Variants in TENT4B observed in about 807,000 individuals in gnomAD.
The protein encoded by TENT4B is PAP associated domain containing 5.
TENT4B carries 10 observed loss-of-function variants against 75.0 expected under a neutral mutation model. The ratio of observed to expected loss-of-function variants is 0.13; its 90% CI spans 0.08 to 0.23. The LOEUF (loss-of-function observed/expected upper bound fraction) is 0.23, where lower values mean the gene tolerates loss of function less well. TENT4B is among the 10% of genes least tolerant of loss of function. TENT4B has a pLI of 1.00. For synonymous variants in TENT4B, 350 were observed against 357.7 expected (o/e 0.98, Z 0.24); for missense variants, 579 against 893.8 (o/e 0.65, Z 4.49).
intron 1 of TENT4B, among the ~76,000 whole-genome samples, chr16:50,158,222 G>T (rs1296928818): frequency 6.6e-6 from 1 of 152,166 alleles, no homozygotes; most frequent in Non-Finnish European, 1.5e-5. Flanking sequence ...GAGTAACTGG[G>T]ATTACAGGCG....
chr16:50,152,986 C>G (rs2037787382), upstream of TENT4B: 1 of 1,515,510 alleles, frequency 6.6e-7, no homozygotes, highest in East Asian at 2.6e-5. Flanking sequence ...ACCGGGGAAG[C>G]CGAGGCGGAG....
At chr16:50,183,474 G>A (rs756109759) in intron 1 of TENT4B, among the ~76,000 whole-genome samples, 17 of 149,390 alleles carry the variant, frequency 1.1e-4, no homozygotes, top group Admixed American at 1.1e-3. Context: ...GTTCATTAAT[G>A]TGCTGGTCTT....
At chr16:50,164,651 C>T (rs2038065549) in intron 1 of TENT4B, among the ~76,000 whole-genome samples, 1 of 151,988 alleles carries the variant, frequency 6.6e-6, no homozygotes, top group South Asian at 2.1e-4. Context: ...ACAGTCGAGG[C>T]CAGAACTTAG....
chr16:50,212,659 A>G (rs1267696092), intron 2 of TENT4B, among the ~76,000 whole-genome samples: 1 of 152,146 alleles, frequency 6.6e-6, no homozygotes. Context: ...ATGACCATAC[A>G]TCGCATTCTT....
In TENT4B at chr16:50,234,151, A is replaced by G. The variant is rs2032378608; in HGVS notation, c.*4823A>G. ...ACGCATATAGTACCAGTGAGAAACT[A>G]TGAAGTAAACAAGTTGCTCAGGCCG... On this transcript the variant is annotated 3_prime_UTR_variant, in exon 12 of 12. Coordinates refer to ENST00000561678, the MANE Select transcript of TENT4B (RefSeq NM_001365324.3). The G allele has an allele frequency of 1.2e-5, 12 of 985,494 alleles. No individual in the cohort carries two copies. Among genetic ancestry groups the G allele is most frequent in the Non-Finnish European group, 1.4e-5 (12 of 829,976 alleles). The allele number at this position is 985,494 out of a possible 1,614,324, so 61.0% of individuals were successfully genotyped here. A position where few individuals can be genotyped will look rare whatever the true frequency, so the allele number is the denominator to read the frequency against.
In TENT4B at chr16:50,232,156, T is replaced by C; in HGVS notation, c.*2828T>C. On this transcript the variant is annotated 3_prime_UTR_variant, in exon 12 of 12. Transcript: ENST00000561678. ...AGCACAAAATCTTACTGGTTATGTT[T>C]TGATGATAAAAGTATATCCATTTTT... The C allele has an allele frequency of 2.0e-6, 2 of 985,424 alleles. No individual in the cohort carries two copies. Among genetic ancestry groups the C allele is most frequent in the Non-Finnish European group, 2.4e-6 (2 of 829,922 alleles). The allele number at this position is 985,424 out of a possible 1,614,324, so 61.0% of individuals were successfully genotyped here. A position where few individuals can be genotyped will look rare whatever the true frequency, so the allele number is the denominator to read the frequency against.
intron 10 of TENT4B, 91 bp downstream of exon 10, chr16:50,225,376 C>T (rs935352038): frequency 6.1e-6 from 7 of 1,152,502 alleles, no homozygotes; most frequent in Non-Finnish European, 6.1e-6. Context: ...AGGCTACTTC[C>T]TTTGCTTACA....
rs372011331 is a variant in TENT4B at position 50,227,919 on chromosome 16, T to C, written c.1881T>C (p.Asp627=). ...PSTGNRVGSQ[D]VSLESSQAVG... ...CTGGGAACCGAGTAGGGTCGCAAGA[T>C]GTATCCTTGGAGTCCTCTCAGGCAG... Residue 627 remains aspartate, a synonymous_variant, in exon 11 of 12, where the codon GAT becomes GAC. Coordinates refer to ENST00000561678, the MANE Select transcript of TENT4B (RefSeq NM_001365324.3). The C allele has an allele frequency of 3.1e-5, 50 of 1,613,902 alleles. No individual in the cohort carries two copies. Among genetic ancestry groups the C allele is most frequent in the Non-Finnish European group, 4.0e-5 (47 of 1,179,912 alleles).
At position 50,222,161 on chromosome 16, in the gene TENT4B, T is replaced by A; in HGVS notation, c.1039-145T>A. ...TCATTACCTATAGTTTACTTTTTTTTAATAGCTTACTCTTAAAATAGAAAA... is the reference window on the plus strand; with the variant it reads ...TCATTACCTATAGTTTACTTTTTTTAAATAGCTTACTCTTAAAATAGAAAA... On this transcript the variant is annotated intron_variant, in intron 5 of 11. Transcript: ENST00000561678. The A allele has an allele frequency of 5.4e-6, 4 of 736,550 alleles. No homozygotes were observed. In the South Asian group the frequency reaches 6.0e-5, roughly 11 times the overall value. The allele number at this position is 736,550 out of a possible 1,614,324, so 45.6% of individuals were successfully genotyped here.
At chr16:50,182,264 A>T (rs2038429874) in intron 1 of TENT4B, among the ~76,000 whole-genome samples, 1 of 152,194 alleles carries the variant, frequency 6.6e-6, no homozygotes, top group African/African-American at 2.4e-5. Context: ...GCCATAAAAA[A>T]AGGAGAAAAA....
At chr16:50,194,576 G>A (rs1409736415) in intron 1 of TENT4B, among the ~76,000 whole-genome samples, 1 of 148,016 alleles carries the variant, frequency 6.8e-6, no homozygotes, top group Non-Finnish European at 1.5e-5. Context: ...TTTGAGACAG[G>A]GTCTTGCTCT....
intron 1 of TENT4B, among the ~76,000 whole-genome samples, chr16:50,189,874 C>T (rs757318804): frequency 2.0e-5 from 3 of 151,478 alleles, no homozygotes; most frequent in South Asian, 2.1e-4. Flanking sequence ...ATCAGGAGTT[C>T]GAGACCAGCC....
At chr16:50,217,481 A>G (rs1455437143) in intron 4 of TENT4B, 75 bp from the exon 5 acceptor site, 2 of 751,334 alleles carry the variant, frequency 2.7e-6, no homozygotes, top group African/African-American at 3.6e-5. Context: ...CCTCATGTCT[A>G]GTAGGCTTCC....
chr16:50,161,701 G>C (rs2038004756), intron 1 of TENT4B, among the ~76,000 whole-genome samples: 1 of 152,112 alleles, frequency 6.6e-6, no homozygotes, highest in Non-Finnish European at 1.5e-5. Context: ...AAATAGTACA[G>C]AGCCCATGTT....
At chr16:50,202,000 C>T (rs548656388) in intron 1 of TENT4B, among the ~76,000 whole-genome samples, 1 of 151,946 alleles carries the variant, frequency 6.6e-6, no homozygotes, top group Admixed American at 6.6e-5. Context: ...AGCACTTAGC[C>T]AAAAGATTTC....
intron 1 of TENT4B, among the ~76,000 whole-genome samples, chr16:50,188,086 G>T (rs2038568691): frequency 6.6e-6 from 1 of 152,074 alleles, no homozygotes; most frequent in Admixed American, 6.6e-5. Flanking sequence ...ATTATAAAAA[G>T]AAAATAAGTT....
chr16:50,186,782 G>C lies in TENT4B; in HGVS notation c.639-24541G>C, dbSNP rs186563189. Reference sequence around the variant, plus strand: ...GACGGAATCTCACTCTGTTGCCCAGGCTGGAGAACAGTGGCACCATCTTGC... The same window carrying C: ...GACGGAATCTCACTCTGTTGCCCAGCCTGGAGAACAGTGGCACCATCTTGC... On this transcript the variant is annotated intron_variant, in intron 1 of 11. Transcript: ENST00000561678. 7.0e-4 allele frequency among the ~76,000 whole-genome samples: 106 copies of C among 152,256 alleles called. 1 individual carries two copies. Among genetic ancestry groups the C allele is most frequent in the East Asian group, 1.3e-3 (7 of 5,188 alleles).
chr16:50,204,571 A>G (rs2030841506), intron 1 of TENT4B, among the ~76,000 whole-genome samples: 1 of 152,116 alleles, frequency 6.6e-6, no homozygotes, highest in Non-Finnish European at 1.5e-5. Context: ...GTTTCTTGGT[A>G]AAGATCCATC....
At chr16:50,217,481 A>T in intron 4 of TENT4B, 75 bp from the exon 5 acceptor site, 1 of 751,452 alleles carries the variant, frequency 1.3e-6, no homozygotes, top group Non-Finnish European at 2.1e-6. Context: ...CCTCATGTCT[A>T]GTAGGCTTCC....
Sources: allele counts gnomAD v4.1 joint callset (sites outside exome capture counted in the v4.1 genomes callset), GRCh38; gene constraint gnomAD v4.1.1; transcripts MANE v1.5; gene names NCBI Gene and HGNC (gene_info 2026-07-23, HGNC 2026-07-21).